The following SSTR3 variants were observed in gnomAD, a reference collection of about 807,000 sequenced individuals.
SSTR3 encodes the protein somatostatin receptor 3.
For missense variants in SSTR3, 504 were observed against 604.7 expected, an observed-to-expected ratio of 0.83 and a Z score of 1.75; for synonymous variants, 281 against 269.2, an observed-to-expected ratio of 1.04 and a Z score of -0.43.
upstream of SSTR3, among the ~76,000 whole-genome samples, chr22:37,217,095 C>T (rs1926479425): frequency 6.6e-6 from 1 of 152,236 alleles, no homozygotes; most frequent in African/African-American, 2.4e-5. Context: ...GCCACCGCGC[C>T]TGGCCTCCTC....
At chr22:37,209,130 T>A (rs2145803944) in intron 1 of SSTR3, among the ~76,000 whole-genome samples, 1 of 152,298 alleles carries the variant, frequency 6.6e-6, no homozygotes, top group Non-Finnish European at 1.5e-5. Context: ...TCTTCTAATA[T>A]CCCTGACACT....
chr22:37,219,723 A>C, the SSTR3 span, among the ~76,000 whole-genome samples: 1 of 152,226 alleles, frequency 6.6e-6, no homozygotes, highest in Non-Finnish European at 1.5e-5. Context: ...GTGGCTTACA[A>C]TAGCCATGTT....
chr22:37,207,942 C>A, intron 1 of SSTR3, 103 bp from the exon 2 acceptor site: 1 of 1,348,460 alleles, frequency 7.4e-7, no homozygotes, highest in Non-Finnish European at 9.5e-7. Context: ...GCCCATCCTC[C>A]CATCGTCTGA....
chr22:37,207,188 A>AGCCGGCTCGCCAGGCCGCC lies in SSTR3; in HGVS notation c.597_615dup (p.Phe206GlyfsTer150). 1 of 1,611,556 alleles carries AGCCGGCTCGCCAGGCCGCC rather than the reference A, an allele frequency of 6.2e-7. No homozygotes were observed. The highest frequency in any genetic ancestry group is 8.5e-7 in the Non-Finnish European group (1 of 1,179,306). On this transcript the variant is annotated frameshift_variant, in exon 2 of 2. Coordinates refer to ENST00000610913, the MANE Select transcript of SSTR3 (RefSeq NM_001051.5). LOFTEE classifies it low-confidence loss of function (END_TRUNC). ...CCCAGTGCGGCCGTGTAGATGATGA[A>AGCCGGCTCGCCAGGCCGCC]GCCGGCTCGCCAGGCCGCCGCCGGC...
At chr22:37,218,348 G>A in the SSTR3 span, among the ~76,000 whole-genome samples, 1 of 152,144 alleles carries the variant, frequency 6.6e-6, no homozygotes, top group East Asian at 1.9e-4. Context: ...CCTGGGGTGG[G>A]AGTTCGAGAC....
chr22:37,207,032 T>C lies in SSTR3; in HGVS notation c.772A>G (p.Met258Val). The C allele has an allele frequency of 6.2e-7, 1 of 1,612,836 alleles. No homozygotes were observed. Among genetic ancestry groups the C allele is most frequent in the African/African-American group, 1.3e-5 (1 of 75,018 alleles). Reference protein sequence around the residue: ...RRRSERRVTRMVVAVVALFVL... With the variant: ...RRRSERRVTRVVVAVVALFVL... Reference sequence around the variant, plus strand: ...AAGAGCGCCACCACGGCCACCACCATGCGCGTGACCCTGCGTTCGGAGCGC... The same window carrying C: ...AAGAGCGCCACCACGGCCACCACCACGCGCGTGACCCTGCGTTCGGAGCGC... Residue 258 changes from methionine (M) to valine (V), a missense_variant, in exon 2 of 2, where the codon ATG becomes GTG. By Grantham distance (21) the Met-to-Val change is conservative. Coordinates refer to ENST00000610913, the MANE Select transcript of SSTR3 (RefSeq NM_001051.5).
At chr22:37,213,621 C>A (rs532065989), upstream of SSTR3, among the ~76,000 whole-genome samples, 11 of 152,346 alleles carry the variant, frequency 7.2e-5, no homozygotes, top group African/African-American at 2.6e-4. Context: ...CGGGACAAGG[C>A]CCTTGCTCCA....
Position 37,210,503 on chromosome 22 carries a change from A to C in SSTR3, c.-37+1322T>G, listed in dbSNP as rs1926127070. 9 of 984,832 alleles carry C rather than the reference A, an allele frequency of 9.1e-6. 1 individual carries two copies. The highest frequency in any genetic ancestry group is 1.0e-3 in the Middle Eastern group (2 of 1,936). The allele number at this position is 984,832 out of a possible 1,614,324, so 61.0% of individuals were successfully genotyped here. A position where few individuals can be genotyped will look rare whatever the true frequency, so the allele number is the denominator to read the frequency against. On this transcript the variant is annotated intron_variant, in intron 1 of 1. Transcript: ENST00000610913. Reference sequence around the variant, plus strand: ...TCAAAGTTTGAGGGGCCCAGGCAGCAGAAGCAGGGAAATTACAGCTTTCCA... The same window carrying C: ...TCAAAGTTTGAGGGGCCCAGGCAGCCGAAGCAGGGAAATTACAGCTTTCCA...
chr22:37,207,712 A>T lies in SSTR3; in HGVS notation c.92T>A (p.Val31Glu), dbSNP rs754444767. 139 of 1,543,066 alleles carry T rather than the reference A, an allele frequency of 9.0e-5. No homozygotes were observed. The highest frequency in any genetic ancestry group is 1.2e-4 in the Non-Finnish European group (133 of 1,143,696). Reference sequence around the variant, plus strand: ...CCCTGCCGGGCTTGGGCCCGCCGACACGTTGCCCAGGGTGGCATCTGGGGG... The same window carrying T: ...CCCTGCCGGGCTTGGGCCCGCCGACTCGTTGCCCAGGGTGGCATCTGGGGG... ...AWPPDATLGN[V>E]SAGPSPAGLA... Residue 31 changes from valine (V) to glutamate (E), a missense_variant, in exon 2 of 2, where the codon GTG (valine) becomes GAG (glutamate). Coordinates refer to ENST00000610913, the MANE Select transcript of SSTR3 (RefSeq NM_001051.5).
intron 1 of SSTR3, chr22:37,211,063 TG>T: frequency 1.2e-6 from 1 of 819,600 alleles, no homozygotes; most frequent in Non-Finnish European, 1.5e-6. Flanking sequence ...GTCACCCAGC[TG>T]GAGAGTGGGA....
chr22:37,215,476 C>G (rs1370318718), upstream of SSTR3, among the ~76,000 whole-genome samples: 1 of 152,182 alleles, frequency 6.6e-6, no homozygotes, highest in East Asian at 1.9e-4. Context: ...ACCTCCACCT[C>G]CCAGGTTCAA....
At position 37,207,717 on chromosome 22, in the gene SSTR3, G is replaced by T. The variant is rs757739879; in HGVS notation, c.87C>A (p.Gly29=). ...CCGGGCTTGGGCCCGCCGACACGTT[G>T]CCCAGGGTGGCATCTGGGGGCCAGG... The part of the protein sequence containing the change: ...SSAWPPDATL[G]NVSAGPSPAG... Residue 29 remains glycine (G), a synonymous_variant, in exon 2 of 2, where the codon GGC becomes GGA. Transcript: ENST00000610913. 1 of 1,536,356 alleles carries T rather than the reference G, an allele frequency of 6.5e-7. No homozygotes were observed. The highest frequency in any genetic ancestry group is 2.1e-5 in the Admixed American group (1 of 48,538).
rs1925823948 is a variant in SSTR3 at position 37,206,956 on chromosome 22, C to T, written c.848G>A (p.Cys283Tyr). The part of the protein sequence containing the change: ...FYVLNIVNVV[C>Y]PLPEEPAFFG... Reference sequence around the variant, plus strand: ...GAAGGCAGGCTCCTCGGGCAGTGGGCACACCACGTTGACGATGTTGAGCAC... The same window carrying T: ...GAAGGCAGGCTCCTCGGGCAGTGGGTACACCACGTTGACGATGTTGAGCAC... The change falls in exon 2 of 2, where the codon TGC becomes TAC. Residue 283 changes from cysteine (C) to tyrosine (Y), a missense_variant. Transcript: ENST00000610913. The T allele has an allele frequency of 1.9e-6, 3 of 1,612,518 alleles. No homozygotes were observed.
At chr22:37,210,466 C>T (rs1219116953) in intron 1 of SSTR3, 6 of 961,022 alleles carry the variant, frequency 6.2e-6, no homozygotes, top group Admixed American at 1.2e-4. Context: ...TTATCTCAGC[C>T]GGTCTTCCCT....
Position 37,207,223 on chromosome 22 carries a change from T to C in SSTR3, c.581A>G (p.Gln194Arg). The change falls in exon 2 of 2, where the codon CAG becomes CGG. Residue 194 changes from glutamine to arginine, a missense_variant. Transcript: ENST00000610913. ...VPRGMSTCHM[Q>R]WPEPAAAWRA... The stretch of plus-strand genomic sequence containing the variant: ...CCAGGCCGCCGCCGGCTCGGGCCAC[T>C]GCATGTGGCAGGTGCTCATGCCGCG... The C allele has an allele frequency of 6.2e-7, 1 of 1,609,602 alleles. No homozygotes were observed. The highest frequency in any genetic ancestry group is 8.5e-7 in the Non-Finnish European group (1 of 1,178,284).
the SSTR3 span, among the ~76,000 whole-genome samples, chr22:37,219,017 A>T: frequency 6.6e-6 from 1 of 152,236 alleles, no homozygotes; most frequent in Non-Finnish European, 1.5e-5. Context: ...TGCCTTCCTC[A>T]GCTCTGTTCA....
rs143937169 is a variant in SSTR3 at position 37,206,797 on chromosome 22, C to T, written c.1007G>A (p.Arg336His). Residue 336 changes from arginine (R) to histidine (H), a missense_variant, in exon 2 of 2, where the codon CGC becomes CAC. Transcript: ENST00000610913. ...RVLLRPSRRV[R>H]SQEPTVGPPE... Reference sequence around the variant, plus strand: ...GGGCCCCACAGTGGGCTCCTGGCTGCGCACACGGCGGGAGGGCCGCAGCAG... The same window carrying T: ...GGGCCCCACAGTGGGCTCCTGGCTGTGCACACGGCGGGAGGGCCGCAGCAG... The T allele has an allele frequency of 1.2e-5, 20 of 1,612,028 alleles. No homozygotes were observed. Among genetic ancestry groups the T allele is most frequent in the African/African-American group, 5.3e-5 (4 of 75,056 alleles).
chr22:37,211,702 T>C (rs977323003), intron 1 of SSTR3, 123 bp downstream of exon 1: 16 of 963,134 alleles, frequency 1.7e-5, no homozygotes, highest in African/African-American at 3.5e-5. Context: ...GCCTCCCTCC[T>C]GCCTCCCTGG....
intron 1 of SSTR3, among the ~76,000 whole-genome samples, chr22:37,208,878 A>T (rs758926584): frequency 9.2e-5 from 14 of 152,198 alleles, no homozygotes; most frequent in Non-Finnish European, 1.8e-4. Flanking sequence ...AATGAACCAG[A>T]GAAGCCTTCA....
Sources: allele counts gnomAD v4.1 joint callset (sites outside exome capture counted in the v4.1 genomes callset), GRCh38; gene constraint gnomAD v4.1.1; transcripts MANE v1.5; gene names NCBI Gene and HGNC (gene_info 2026-07-23, HGNC 2026-07-21).